Variants in ARHGDIG observed in about 807,000 individuals in gnomAD.
ARHGDIG encodes rho GDP-dissociation inhibitor 3.
ARHGDIG carries 14 observed loss-of-function variants against 20.2 expected under a neutral mutation model. The observed-to-expected ratio is 0.69, with a 90% confidence interval of 0.46 to 1.08. The LOEUF (loss-of-function observed/expected upper bound fraction) is 1.08. Ranked by LOEUF, ARHGDIG falls within the 50% of genes least tolerant of loss-of-function variation. ARHGDIG has a pLI of 0.00. For synonymous variants in ARHGDIG, 193 were observed against 138.6 expected (o/e 1.39, Z -2.76); for missense variants, 311 against 301.8 (o/e 1.03, Z -0.23).
intron 1 of ARHGDIG, chr16:281,005 C>G (rs1055519819): frequency 9.7e-6 from 2 of 206,656 alleles, no homozygotes; most frequent in Non-Finnish European, 2.0e-5. Flanking sequence ...CCTGGAGCCC[C>G]TCTGTCTTGG....
rs141891388 is a variant in ARHGDIG, at chr16:281,818, G to A, written c.146G>A (p.Arg49Gln). The A allele has an allele frequency of 4.8e-5, 77 of 1,611,708 alleles. No homozygotes were observed. The highest frequency in any genetic ancestry group is 5.8e-5 in the Non-Finnish European group (69 of 1,179,716). ...EVLDEAVPEYRAPGRKSLLEI... is the reference protein window; with the variant it reads ...EVLDEAVPEYQAPGRKSLLEI... ...TTGGATGAGGCTGTGCCCGAGTACC[G>A]GGCGCCGGGGAGGAAGAGCCTCTTG... Residue 49 changes from arginine (R) to glutamine (Q), a missense_variant, in exon 2 of 6, where the codon CGG (arginine) becomes CAG (glutamine). Transcript: ENST00000219409.
At position 280,925 on chromosome 16, in the gene ARHGDIG, A is replaced by G. The variant is rs369440; in HGVS notation, c.73+172A>G. On this transcript the variant is annotated intron_variant, in intron 1 of 5. Coordinates refer to ENST00000219409, the MANE Select transcript of ARHGDIG (RefSeq NM_001176.4). The surrounding 1 kb of genome is among the most constrained non-coding windows in gnomAD (Gnocchi z 6.6). ...CATCCAGGCTCCAGCCCTGTGGGGA[A>G]GGGACCAGGTGCGGACGGGTCGGCT... 49,497 of 296,154 alleles carry G rather than the reference A, an allele frequency of 0.17. 8,970 individuals carry two copies. Among genetic ancestry groups the G allele is most frequent in the African/African-American group, 0.59 (25,913 of 44,018 alleles). The allele number at this position is 296,154 out of a possible 1,614,324, so 18.3% of individuals were successfully genotyped here.
chr16:282,302 C>T lies in ARHGDIG; in HGVS notation c.343C>T (p.Leu115=). ...GPVVMDLTGD[L]AVLKDQVFVL... is the part of the protein sequence containing the mutation. ...AGCTGAGGTTTCCCCAATAGGGGAC[C>T]TGGCTGTTCTGAAGGACCAGGTGTT... Residue 115 remains leucine (L), a synonymous_variant, in exon 4 of 6, where the codon CTG becomes TTG. Transcript: ENST00000219409. 2 of 1,613,252 alleles carry T rather than the reference C, an allele frequency of 1.2e-6. No individual in the cohort carries two copies. The highest frequency in any genetic ancestry group is 2.2e-5 in the East Asian group (1 of 44,848).
chr16:281,569 G>A, intron 1 of ARHGDIG, 177 bp from the exon 2 acceptor site: 1 of 701,774 alleles, frequency 1.4e-6, no homozygotes, highest in South Asian at 2.0e-5. Context: ...TGGGTGCGGT[G>A]CGGCACCTCC....
At chr16:282,558 C>CGGGGGGGGGGGGGGGGGGGGAGGGGGG (rs61572786) in intron 5 of ARHGDIG, 28 bp downstream of exon 5, 1 of 1,295,646 alleles carries the variant, frequency 7.7e-7, no homozygotes, top group Non-Finnish European at 1.0e-6. Flanking sequence ...GGGAACGGGG[C>CGGGGGGGGGGGGGGGGGGGGAGGGGGG]GGGGGGGGGA....
intron 1 of ARHGDIG, chr16:281,215 G>A (rs79971354): frequency 0.014 from 2,123 of 154,076 alleles, 48 homozygotes; most frequent in African/African-American, 0.048. Flanking sequence ...CCCGGCACCC[G>A]AGCACCATGG....
In ARHGDIG at chr16:280,944, G is replaced by C. The variant is rs1356810029; in HGVS notation, c.73+191G>C. On this transcript the variant is annotated intron_variant, in intron 1 of 5. Coordinates refer to ENST00000219409, the MANE Select transcript of ARHGDIG (RefSeq NM_001176.4). This position sits in a 1 kb window ranked among gnomAD's most constrained non-coding sequence, Gnocchi z 6.6. ...TGGGGAAGGGACCAGGTGCGGACGG[G>C]TCGGCTTGGGAAGCGGCGGCGCTGG... 1 of 268,674 alleles carries C rather than the reference G, an allele frequency of 3.7e-6. No homozygotes were observed. The highest frequency in any genetic ancestry group is 7.1e-6 in the Non-Finnish European group (1 of 140,186). 16.6% of individuals were successfully genotyped at this position (268,674 alleles called of 1,614,324 possible).
chr16:281,809 C>T lies in ARHGDIG; in HGVS notation c.137C>T (p.Pro46Leu), dbSNP rs1216997518. Reference sequence around the variant, plus strand: ...GACGAGGTGTTGGATGAGGCTGTGCCCGAGTACCGGGCGCCGGGGAGGAAG... The same window carrying T: ...GACGAGGTGTTGGATGAGGCTGTGCTCGAGTACCGGGCGCCGGGGAGGAAG... ...AVDEVLDEAVPEYRAPGRKSL... is the reference protein window; with the variant it reads ...AVDEVLDEAVLEYRAPGRKSL... The change falls in exon 2 of 6, where the codon CCC becomes CTC. Residue 46 changes from proline to leucine, a missense_variant. Physicochemically the swap from Pro to Leu is moderately conservative, Grantham distance 98. Transcript: ENST00000219409. 5 of 1,611,820 alleles carry T rather than the reference C, an allele frequency of 3.1e-6. No homozygotes were observed. Among genetic ancestry groups the T allele is most frequent in the Admixed American group, 3.3e-5 (2 of 59,972 alleles).
Position 281,920 on chromosome 16 carries a change from C to A in ARHGDIG, c.248C>A (p.Ala83Asp). The A allele has an allele frequency of 6.2e-7, 1 of 1,604,378 alleles. No homozygotes were observed. Among genetic ancestry groups the A allele is most frequent in the Non-Finnish European group, 8.5e-7 (1 of 1,178,010 alleles). Residue 83 changes from alanine to aspartate, a missense_variant, in exon 2 of 6, where the codon GCC becomes GAC. Coordinates refer to ENST00000219409, the MANE Select transcript of ARHGDIG (RefSeq NM_001176.4). ...KRVLLGPLPP[A>D]VDPSLPNVQV... ...GTGCTGCTGGGGCCCCTGCCACCGG[C>A]CGTGGGTATGGCAGGGGTCTAGGCT...
rs755561283 is a variant in ARHGDIG, at chr16:281,781, G to C, written c.109G>C (p.Val37Leu). The C allele has an allele frequency of 3.7e-6, 6 of 1,608,350 alleles. No individual in the cohort carries two copies. The East Asian group carries it at 1.3e-4, about 36-fold the overall frequency. ...LADKEGGPPA[V>L]DEVLDEAVPE... ...TGACAAGGAGGGTGGGCCGCCGGCA[G>C]TGGACGAGGTGTTGGATGAGGCTGT... is the stretch of plus-strand genomic sequence containing the variant. Residue 37 changes from valine (V) to leucine (L), a missense_variant, in exon 2 of 6, where the codon GTG becomes CTG. By Grantham distance (32) the Val-to-Leu change is conservative. Coordinates refer to ENST00000219409, the MANE Select transcript of ARHGDIG (RefSeq NM_001176.4).
chr16:282,241 G>A (rs2052293736), intron 3 of ARHGDIG, 56 bp from the exon 4 acceptor site: 1 of 1,610,664 alleles, frequency 6.2e-7, no homozygotes, highest in Non-Finnish European at 8.5e-7. Context: ...GGGGGCTCCT[G>A]GAGCAGGTCT....
rs2052285621 is a variant in ARHGDIG, at chr16:281,730, C to T, written c.74-16C>T. Reference sequence around the variant, plus strand: ...GTCCGCTAGTGGCTGCTGCTCACGCCCCTCCCCACCCCCAGTCCTCCTGGC... The same window carrying T: ...GTCCGCTAGTGGCTGCTGCTCACGCTCCTCCCCACCCCCAGTCCTCCTGGC... On this transcript the variant is annotated splice_polypyrimidine_tract_variant and intron_variant, in intron 1 of 5. Transcript: ENST00000219409. 2 of 1,560,762 alleles carry T rather than the reference C, an allele frequency of 1.3e-6. No individual in the cohort carries two copies. The highest frequency in any genetic ancestry group is 4.8e-5 in the East Asian group (2 of 41,828).
At position 281,780 on chromosome 16, in the gene ARHGDIG, AGTGGACGAG is replaced by A. The variant is rs763283100; in HGVS notation, c.112_120del (p.Asp38_Val40del). On this transcript the variant is annotated inframe_deletion, in exon 2 of 6. Transcript: ENST00000219409. ...CTGACAAGGAGGGTGGGCCGCCGGC[AGTGGACGAG>A]GTGTTGGATGAGGCTGTGCCCGAGT... 1.0e-5 allele frequency: 16 copies of A among 1,607,980 alleles called. No individual in the cohort carries two copies. The highest frequency in any genetic ancestry group is 1.3e-5 in the Non-Finnish European group (15 of 1,177,398).
rs775334163 is a variant in ARHGDIG at position 282,350 on chromosome 16, T to C, written c.391T>C (p.Tyr131His). ...QVFVLKEGVDYRVKISFKVHR... is the reference protein window; with the variant it reads ...QVFVLKEGVDHRVKISFKVHR... ...GTTTGTCCTGAAGGAAGGTGTTGAT[T>C]ACAGAGTGAAGATCTCCTTCAAGGT... is the stretch of plus-strand genomic sequence containing the variant. Residue 131 changes from tyrosine to histidine, a missense_variant, in exon 4 of 6, where the codon TAC becomes CAC. By Grantham distance (83) the Tyr-to-His change is moderately conservative. Coordinates refer to ENST00000219409, the MANE Select transcript of ARHGDIG (RefSeq NM_001176.4). 6.2e-7 allele frequency: 1 copy of C among 1,612,308 alleles called. No individual in the cohort carries two copies. The highest frequency in any genetic ancestry group is 2.2e-5 in the East Asian group (1 of 44,764).
rs554184565 is a variant in ARHGDIG, at chr16:282,216, T to C, written c.338-81T>C. On this transcript the variant is annotated intron_variant, in intron 3 of 5. Transcript: ENST00000219409. The stretch of plus-strand genomic sequence containing the variant: ...CCATCACAGTCGCACACCTCATGGG[T>C]ACCACACCCTACGTGGGGGCTCCTG... 6.9e-5 allele frequency: 111 copies of C among 1,605,382 alleles called. 2 individuals are homozygous for C. The South Asian group carries it at 1.1e-3, about 16-fold the overall frequency.
rs146994316 is a variant in ARHGDIG, at chr16:281,310, TG to T, written c.74-430del. 130 of 135,908 alleles carry T rather than the reference TG, an allele frequency of 9.6e-4. 1 individual carries two copies. The highest frequency in any genetic ancestry group is 7.5e-3 in the Middle Eastern group (2 of 266). 8.4% of individuals were successfully genotyped at this position (135,908 alleles called of 1,614,324 possible). A position where few individuals can be genotyped will look rare whatever the true frequency, so the allele number is the denominator to read the frequency against. On this transcript the variant is annotated intron_variant, in intron 1 of 5. Transcript: ENST00000219409. ...GAGGGCCCTAGAGGGTCAGTAGGCT[TG>T]GGGGGCCGCCGAGGGCCCTAGAGGG...
rs138141299 is a variant in ARHGDIG at position 282,655 on chromosome 16, C to T, written c.519C>T (p.Ser173=). Residue 173 remains serine (S), a synonymous_variant, in exon 6 of 6, where the codon AGC becomes AGT. Transcript: ENST00000219409. ...TVYMVGSYGP[S]AQEYEFVTPV... Reference sequence around the variant, plus strand: ...ACATGGTGGGCAGCTATGGCCCGAGCGCCCAGGAGTATGAGTTTGTGACTC... The same window carrying T: ...ACATGGTGGGCAGCTATGGCCCGAGTGCCCAGGAGTATGAGTTTGTGACTC... 2.2e-4 allele frequency: 353 copies of T among 1,598,594 alleles called. No individual in the cohort carries two copies. The highest frequency in any genetic ancestry group is 2.8e-4 in the Non-Finnish European group (331 of 1,172,242).
In ARHGDIG at chr16:282,782, G is replaced by A. The variant is rs779054675; in HGVS notation, c.646G>A (p.Gly216Ser). The A allele has an allele frequency of 7.2e-5, 116 of 1,607,998 alleles. No homozygotes were observed. Among genetic ancestry groups the A allele is most frequent in the Middle Eastern group, 1.8e-4 (1 of 5,508 alleles). Reference protein sequence around the residue: ...DRTHHLSWEWGLCICQDWKD With the variant: ...DRTHHLSWEWSLCICQDWKD ...GACGCACCACCTGTCCTGGGAGTGGGGTCTCTGCATCTGCCAGGACTGGAA... is the reference window on the plus strand; with the variant it reads ...GACGCACCACCTGTCCTGGGAGTGGAGTCTCTGCATCTGCCAGGACTGGAA... The change falls in exon 6 of 6, where the codon GGT becomes AGT. Residue 216 changes from glycine (G) to serine (S), a missense_variant. Gly to Ser is a moderately conservative substitution (Grantham distance 56). Coordinates refer to ENST00000219409, the MANE Select transcript of ARHGDIG (RefSeq NM_001176.4).
At position 282,104 on chromosome 16, in the gene ARHGDIG, C is replaced by T. The variant is rs756171428; in HGVS notation, c.333C>T (p.Leu111=). 1.9e-6 allele frequency: 3 copies of T among 1,612,892 alleles called. No homozygotes were observed. The highest frequency in any genetic ancestry group is 2.5e-6 in the Non-Finnish European group (3 of 1,179,948). The change falls in exon 3 of 6, where the codon CTC becomes CTT. Residue 111 remains leucine (L), a synonymous_variant. Transcript: ENST00000219409. The stretch of plus-strand genomic sequence containing the variant: ...CTCCGGGGCCCGTCGTCATGGATCT[C>T]ACAGGTAACTCGCAGGATGCTGCAC... ...EQAPGPVVMD[L]TGDLAVLKDQ...
Sources: allele counts gnomAD v4.1 joint callset, GRCh38; gene constraint gnomAD v4.1.1; non-coding constraint Gnocchi (gnomAD v3.1); transcripts MANE v1.5; gene names NCBI Gene and HGNC (gene_info 2026-07-23, HGNC 2026-07-21).